Variants in MAPK10 observed in about 807,000 individuals in gnomAD.
MAPK10 encodes mitogen-activated protein kinase 10.
Under a neutral mutation model 59.3 loss-of-function variants are expected in MAPK10, and 25 were observed. The observed-to-expected ratio is 0.42, with a 90% CI of 0.31 to 0.59. The LOEUF is 0.59. Ranked by LOEUF, MAPK10 falls within the 20% of genes least tolerant of loss-of-function variation. The probability of loss-of-function intolerance (pLI) is 0.15; values close to 1 mark genes in which losing one functional copy is unlikely to be tolerated. For missense variants in MAPK10, 351 were observed against 568.9 expected, an observed-to-expected ratio of 0.62 and a Z score of 3.90; for synonymous variants, 190 against 200.5, an observed-to-expected ratio of 0.95 and a Z score of 0.44.
chr4:86,272,085 C>T (rs377057776), intron 2 of MAPK10, among the ~76,000 whole-genome samples: 5 of 152,114 alleles, frequency 3.3e-5, no homozygotes, highest in Admixed American at 1.3e-4. Flanking sequence ...TGAGTACATG[C>T]GGTATTTGGT....
At chr4:86,222,081 C>G (rs1244576219) in intron 2 of MAPK10, among the ~76,000 whole-genome samples, 1 of 152,194 alleles carries the variant, frequency 6.6e-6, no homozygotes, top group African/African-American at 2.4e-5. Context: ...TTCCCCTTCA[C>G]CTTCTGCCAT....
chr4:86,064,496 C>G, intron 10 of MAPK10, 106 bp from the exon 11 acceptor site: 2 of 1,056,244 alleles, frequency 1.9e-6, no homozygotes, highest in Non-Finnish European at 2.8e-6. Context: ...TATCTTCCTT[C>G]CAAACATCAG....
At chr4:86,508,344 T>C (rs1178218049) in intron 1 of MAPK10, among the ~76,000 whole-genome samples, 1 of 152,138 alleles carries the variant, frequency 6.6e-6, no homozygotes, top group Non-Finnish European at 1.5e-5. Context: ...TGGTGAGTTC[T>C]TTTTTACTTT....
chr4:86,115,963 C>T (rs1013694042), intron 4 of MAPK10, among the ~76,000 whole-genome samples: 1 of 152,208 alleles, frequency 6.6e-6, no homozygotes, highest in African/African-American at 2.4e-5. Flanking sequence ...GCCAAGTGGG[C>T]ATGTTTCTTA....
chr4:86,107,188 C>T, intron 5 of MAPK10, 35 bp downstream of exon 5: 1 of 1,557,246 alleles, frequency 6.4e-7, no homozygotes, highest in Non-Finnish European at 8.8e-7. Flanking sequence ...CTTACAAACT[C>T]CCACTGCCAG....
chr4:86,388,262 T>G (rs1741764623), intron 1 of MAPK10, among the ~76,000 whole-genome samples: 1 of 152,012 alleles, frequency 6.6e-6, no homozygotes, highest in African/African-American at 2.4e-5. Context: ...ACATAAAACT[T>G]TCCATGATAT....
chr4:86,236,831 A>G (rs2092278411), intron 2 of MAPK10, among the ~76,000 whole-genome samples: 1 of 152,210 alleles, frequency 6.6e-6, no homozygotes, highest in Non-Finnish European at 1.5e-5. Context: ...CTTCAGGAAA[A>G]GGAGGAAACT....
At chr4:86,455,902 T>G (rs1463104079), upstream of MAPK10, among the ~76,000 whole-genome samples, 15 of 152,198 alleles carry the variant, frequency 9.9e-5, no homozygotes, top group Admixed American at 9.8e-4. Flanking sequence ...GACTGTATGA[T>G]AGGCCACAAA....
At chr4:86,026,251 A>C (rs1750157911) in intron 13 of MAPK10, among the ~76,000 whole-genome samples, 1 of 152,204 alleles carries the variant, frequency 6.6e-6, no homozygotes, top group African/African-American at 2.4e-5. Context: ...AGAATTGGTG[A>C]ATCAGATGCT....
chr4:86,534,616 A>T (rs1758094722), intron 1 of MAPK10, among the ~76,000 whole-genome samples: 1 of 152,122 alleles, frequency 6.6e-6, no homozygotes. Flanking sequence ...AAAATTATTC[A>T]AAAATCAGGC....
chr4:86,309,117 C>T (rs2095623099), intron 2 of MAPK10, among the ~76,000 whole-genome samples: 1 of 152,054 alleles, frequency 6.6e-6, no homozygotes, highest in South Asian at 2.1e-4. Flanking sequence ...TCTTATGGGA[C>T]AGTATTCTTT....
intron 10 of MAPK10, among the ~76,000 whole-genome samples, chr4:86,065,949 A>T (rs2118044): frequency 0.44 from 66,676 of 152,004 alleles, 15,273 homozygotes; most frequent in African/African-American, 0.55. Flanking sequence ...AAATACAAAA[A>T]TCAGGAAATA....
chr4:86,214,989 C>T (rs1439458423), intron 2 of MAPK10, among the ~76,000 whole-genome samples: 1 of 151,864 alleles, frequency 6.6e-6, no homozygotes, highest in East Asian at 1.9e-4. Flanking sequence ...ACGGAAGGAC[C>T]CACACTTCCT....
chr4:86,057,690 T>C lies in MAPK10; in HGVS notation c.1110+6576A>G, dbSNP rs1025765410. Among the ~76,000 whole-genome samples the C allele has an allele frequency of 2.0e-4, 30 of 149,890 alleles. 1 individual carries two copies. The highest frequency in any genetic ancestry group is 1.2e-3 in the Admixed American group (18 of 15,112). On this transcript the variant is annotated intron_variant, in intron 11 of 13. Transcript: ENST00000641462. Reference sequence around the variant, plus strand: ...AAAGTGTGGGTTCAGTCAATATTTATAGAATAAGTGAATAAATACTAAACT... The same window carrying C: ...AAAGTGTGGGTTCAGTCAATATTTACAGAATAAGTGAATAAATACTAAACT...
At chr4:86,476,641 T>G (rs1753116491) in intron 1 of MAPK10, among the ~76,000 whole-genome samples, 1 of 152,176 alleles carries the variant, frequency 6.6e-6, no homozygotes, top group Non-Finnish European at 1.5e-5. Context: ...AAAAATTAAA[T>G]TCTGGCCCTC....
intron 2 of MAPK10, among the ~76,000 whole-genome samples, chr4:86,333,765 T>C (rs1023603515): frequency 6.6e-6 from 1 of 152,148 alleles, no homozygotes; most frequent in African/African-American, 2.4e-5. Context: ...CTCACATATT[T>C]TTCATCTGTA....
At chr4:86,436,506 G>T (rs1748739041) in intron 1 of MAPK10, among the ~76,000 whole-genome samples, 1 of 151,966 alleles carries the variant, frequency 6.6e-6, no homozygotes, top group South Asian at 2.1e-4. Flanking sequence ...CACCAATGTA[G>T]CCTTTTTTTG....
At chr4:86,278,345 G>A (rs2094662226) in intron 2 of MAPK10, among the ~76,000 whole-genome samples, 1 of 152,156 alleles carries the variant, frequency 6.6e-6, no homozygotes, top group Admixed American at 6.6e-5. Context: ...TTTGGCTATG[G>A]AGTCTACTCC....
At chr4:86,572,395 T>C (rs1267944408) in intron 1 of MAPK10, among the ~76,000 whole-genome samples, 3 of 152,182 alleles carry the variant, frequency 2.0e-5, no homozygotes, top group Non-Finnish European at 4.4e-5. Context: ...GTTATCAGTA[T>C]TTATGTTTAC....
Sources: allele counts gnomAD v4.1 joint callset (sites outside exome capture counted in the v4.1 genomes callset), GRCh38; gene constraint gnomAD v4.1.1; transcripts MANE v1.5; gene names NCBI Gene and HGNC (gene_info 2026-07-23, HGNC 2026-07-21).